RALGAPA2: variants seen among roughly 807,000 people sequenced by gnomAD.
RALGAPA2 encodes ral GTPase-activating protein subunit alpha-2.
A neutral mutation model predicts 230.4 loss-of-function variants in RALGAPA2; 139 were observed. The observed-to-expected ratio is 0.60, with a 90% CI of 0.53 to 0.69. The LOEUF (loss-of-function observed/expected upper bound fraction) is 0.69, where lower values mean the gene tolerates loss of function less well. Among genes scored for constraint, RALGAPA2 ranks in the 30% least tolerant of loss-of-function variants. The pLI, the probability that RALGAPA2 is intolerant of heterozygous loss-of-function variation, is 0.00. For missense variants in RALGAPA2, 2,163 were observed against 2,276.0 expected (o/e 0.95, Z 1.01); for synonymous variants, 847 against 837.8 (o/e 1.01, Z -0.19).
At chr20:20,534,274 C>G (rs1183556231) in intron 26 of RALGAPA2, among the ~76,000 whole-genome samples, 1 of 152,026 alleles carries the variant, frequency 6.6e-6, no homozygotes. Flanking sequence ...GAAATCCCGT[C>G]TCTACTAAAA....
intron 38 of RALGAPA2, among the ~76,000 whole-genome samples, chr20:20,401,606 G>A (rs1176753726): frequency 1.3e-5 from 2 of 152,182 alleles, no homozygotes; most frequent in African/African-American, 4.8e-5. Flanking sequence ...TGCCACTCAG[G>A]ACTATTTTTT....
intron 35 of RALGAPA2, among the ~76,000 whole-genome samples, chr20:20,495,536 G>C (rs879289052): frequency 8.5e-5 from 13 of 152,228 alleles, no homozygotes; most frequent in Non-Finnish European, 1.9e-4. Flanking sequence ...TGAGGCCTTT[G>C]TAAGAATTTA....
intron 36 of RALGAPA2, among the ~76,000 whole-genome samples, chr20:20,480,842 T>C (rs886247678): frequency 2.6e-5 from 4 of 152,198 alleles, no homozygotes; most frequent in East Asian, 1.9e-4. Context: ...CACAACCACC[T>C]AAAGTTTCTG....
chr20:20,611,556 C>A, intron 13 of RALGAPA2, 130 bp from the exon 14 acceptor site: 1 of 1,371,250 alleles, frequency 7.3e-7, no homozygotes. Flanking sequence ...CTATTAAAGT[C>A]CAGATGCCAA....
chr20:20,557,238 G>C (rs1232715075), intron 23 of RALGAPA2, among the ~76,000 whole-genome samples: 1 of 152,136 alleles, frequency 6.6e-6, no homozygotes, highest in Non-Finnish European at 1.5e-5. Flanking sequence ...GAACCCAGGA[G>C]GCGGAGGTTG....
chr20:20,698,649 C>T (rs1466293811), intron 1 of RALGAPA2, among the ~76,000 whole-genome samples: 1 of 152,186 alleles, frequency 6.6e-6, no homozygotes, highest in East Asian at 1.9e-4. Context: ...ATCTGCCCAC[C>T]TCAGCCTCCC....
rs368577471 is a variant in RALGAPA2 at position 20,520,724 on chromosome 20, G to A, written c.4084+193C>T. ...GTCTTCAATAATACAAAAACCATTT[G>A]AACTACTAAAATGGGAAAACAGAGG... On this transcript the variant is annotated intron_variant, in intron 31 of 39. Coordinates refer to ENST00000202677, the MANE Select transcript of RALGAPA2 (RefSeq NM_020343.4). Among the ~76,000 whole-genome samples, 5 of 151,868 alleles carry A rather than the reference G, an allele frequency of 3.3e-5. No individual in the cohort carries two copies. In the East Asian group the frequency reaches 9.7e-4, roughly 29 times the overall value.
chr20:20,500,011 T>G (rs756715014), intron 35 of RALGAPA2, among the ~76,000 whole-genome samples: 5 of 152,234 alleles, frequency 3.3e-5, no homozygotes, highest in Non-Finnish European at 5.9e-5. Context: ...TATAGTCTAT[T>G]AAATGTGCAA....
chr20:20,416,519 T>C (rs2060168013), intron 37 of RALGAPA2, among the ~76,000 whole-genome samples: 1 of 152,186 alleles, frequency 6.6e-6, no homozygotes, highest in Admixed American at 6.5e-5. Flanking sequence ...GGTGTTAAGT[T>C]CAAGATCATG....
intron 31 of RALGAPA2, among the ~76,000 whole-genome samples, chr20:20,517,645 C>T (rs187930671): frequency 6.6e-6 from 1 of 152,064 alleles, no homozygotes. Context: ...ATTGCCCACA[C>T]CCCGAGTACA....
At chr20:20,537,838 T>A (rs979527080) in intron 24 of RALGAPA2, among the ~76,000 whole-genome samples, 1 of 152,202 alleles carries the variant, frequency 6.6e-6, no homozygotes, top group Non-Finnish European at 1.5e-5. Flanking sequence ...TGTACAAGCA[T>A]TTCTTCATAA....
At chr20:20,690,495 T>G (rs929589415) in intron 1 of RALGAPA2, among the ~76,000 whole-genome samples, 2 of 152,138 alleles carry the variant, frequency 1.3e-5, no homozygotes, top group Non-Finnish European at 2.9e-5. Flanking sequence ...AATTCCCACA[T>G]GATCTTCATC....
intron 4 of RALGAPA2, among the ~76,000 whole-genome samples, chr20:20,649,773 A>G (rs1274417592): frequency 6.6e-6 from 1 of 152,182 alleles, no homozygotes; most frequent in East Asian, 1.9e-4. Context: ...GTCAACACAC[A>G]TATAACTTAA....
chr20:20,702,863 T>C (rs1185807136), intron 1 of RALGAPA2, among the ~76,000 whole-genome samples: 3 of 152,190 alleles, frequency 2.0e-5, no homozygotes, highest in African/African-American at 7.2e-5. Context: ...TAACCATAAT[T>C]GTAATATCAA....
intron 13 of RALGAPA2, among the ~76,000 whole-genome samples, chr20:20,614,877 T>C (rs908103959): frequency 6.6e-6 from 1 of 151,978 alleles, no homozygotes; most frequent in Non-Finnish European, 1.5e-5. Flanking sequence ...TGGTTTCAGG[T>C]AGGAAAGGTG....
chr20:20,426,721 A>C (rs2060389658), intron 37 of RALGAPA2, among the ~76,000 whole-genome samples: 2 of 152,218 alleles, frequency 1.3e-5, no homozygotes, highest in African/African-American at 4.8e-5. Context: ...AATGCACCTC[A>C]AAGGAAAAAG....
chr20:20,538,986 T>G (rs1382199574), intron 24 of RALGAPA2, among the ~76,000 whole-genome samples: 2 of 152,230 alleles, frequency 1.3e-5, no homozygotes, highest in Admixed American at 6.5e-5. Context: ...TATGTTCTTT[T>G]GTGTCTGACT....
In RALGAPA2 at chr20:20,472,849, G is replaced by A. The variant is rs371873868; in HGVS notation, c.5475C>T (p.Leu1825=). The A allele has an allele frequency of 5.0e-6, 8 of 1,613,276 alleles. No individual in the cohort carries two copies. In the African/African-American group the frequency reaches 6.7e-5, roughly 13 times the overall value. Residue 1825 remains leucine (L), a synonymous_variant, in exon 37 of 40, where the codon CTC becomes CTT. Transcript: ENST00000202677. The part of the protein sequence containing the change: ...CINASRAVKC[L]IPLYQSFYEE... Reference sequence around the variant, plus strand: ...GATACAAGCTCTGGTAGAGTGGGATGAGGCACTTCACAGCCCTGCTGGCGT... The same window carrying A: ...GATACAAGCTCTGGTAGAGTGGGATAAGGCACTTCACAGCCCTGCTGGCGT...
Position 20,572,945 on chromosome 20 carries a change from T to C in RALGAPA2, c.2831A>G (p.Asn944Ser), listed in dbSNP as rs765746292. The stretch of plus-strand genomic sequence containing the variant: ...GGCATGGATCTTGGGTGACTGGATG[T>C]TATTCACATCTCCGAGGATCCCCAA... ...RVLGILGDVN[N>S]IQSPKIHARV... The change falls in exon 21 of 40, where the codon AAC becomes AGC. Residue 944 changes from asparagine to serine, a missense_variant. Physicochemically the swap from Asn to Ser is conservative, Grantham distance 46 (BLOSUM62 1). Transcript: ENST00000202677. The C allele has an allele frequency of 6.3e-7, 1 of 1,584,456 alleles. No individual in the cohort carries two copies. The highest frequency in any genetic ancestry group is 8.6e-7 in the Non-Finnish European group (1 of 1,164,514).
Sources: gnomAD v4.1 joint callset for allele counts (sites outside exome capture counted in the v4.1 genomes callset) on GRCh38, gnomAD v4.1.1 for gene constraint, MANE v1.5 for transcripts, NCBI Gene and HGNC (gene_info 2026-07-23, HGNC 2026-07-21) for gene names.